Variants in TASP1 observed in about 807,000 individuals in gnomAD.
The protein encoded by TASP1 is taspase 1, also known as threonine aspartase 1.
Under a neutral mutation model 56.6 loss-of-function variants are expected in TASP1, and 16 were observed. The ratio of observed to expected loss-of-function variants is 0.28; its 90% CI spans 0.19 to 0.43. The LOEUF (loss-of-function observed/expected upper bound fraction) is 0.43. Ranked by LOEUF, TASP1 falls within the 20% of genes least tolerant of loss-of-function variation. The pLI is 1.00. For synonymous variants in TASP1, 179 were observed against 184.2 expected (o/e 0.97, Z 0.23); for missense variants, 393 against 511.6 (o/e 0.77, Z 2.24).
In TASP1 at chr20:13,557,584, T is replaced by G. The variant is rs551404642; in HGVS notation, c.675+1424A>C. Reference sequence around the variant, plus strand: ...TACGATGTTTTTGGTTTTTTTTTTTTTTTTTTTTTTTTTTGAGACAGGGTC... The same window carrying G: ...TACGATGTTTTTGGTTTTTTTTTTTGTTTTTTTTTTTTTTGAGACAGGGTC... On this transcript the variant is annotated intron_variant, in intron 8 of 13. Transcript: ENST00000337743. Among the ~76,000 whole-genome samples, 650 of 140,702 alleles carry G rather than the reference T, an allele frequency of 4.6e-3. 6 individuals are homozygous for G. Among genetic ancestry groups the G allele is most frequent in the African/African-American group, 0.016 (578 of 36,454 alleles). The allele number at this position is 140,702 out of a possible 152,430, so 92.3% of individuals were successfully genotyped here. A position where few individuals can be genotyped will look rare whatever the true frequency, so the allele number is the denominator to read the frequency against.
In TASP1 at chr20:13,490,688, C is replaced by T. The variant is rs527650984; in HGVS notation, c.875-7351G>A. Among the ~76,000 whole-genome samples, 3 of 152,146 alleles carry T rather than the reference C, an allele frequency of 2.0e-5. No individual in the cohort carries two copies. The South Asian group carries it at 6.2e-4, about 32-fold the overall frequency. On this transcript the variant is annotated intron_variant, in intron 10 of 13. Transcript: ENST00000337743. ...CTCCTCCTTCCCTCCCTCACCCCTC[C>T]CACCCTCTTACACACACACCCCTAC... is the stretch of plus-strand genomic sequence containing the variant.
chr20:13,362,102 C>T, the TASP1 span, among the ~76,000 whole-genome samples: 71 of 150,114 alleles, frequency 4.7e-4, no homozygotes, highest in Non-Finnish European at 7.5e-4. Context: ...GTTCCCACGC[C>T]GCCCCTAATC....
At chr20:13,393,868 C>A (rs2041393355) in intron 13 of TASP1, among the ~76,000 whole-genome samples, 1 of 150,854 alleles carries the variant, frequency 6.6e-6, no homozygotes, top group East Asian at 1.9e-4. Flanking sequence ...AAGTCCCCTG[C>A]GCTCAGCCAA....
intron 6 of TASP1, among the ~76,000 whole-genome samples, chr20:13,572,557 G>C (rs1026509888): frequency 2.0e-5 from 3 of 151,864 alleles, no homozygotes; most frequent in Non-Finnish European, 4.4e-5. Flanking sequence ...GTGATGGCAC[G>C]CACCTGTAAT....
rs151210375 is a variant in TASP1 at position 13,492,678 on chromosome 20, G to A, written c.875-9341C>T. ...TATAGCTCACCGACACATATTTAGC[G>A]TTTCCCAAATATTCAGAGTTCTCTG... On this transcript the variant is annotated intron_variant, in intron 10 of 13. Coordinates refer to ENST00000337743, the MANE Select transcript of TASP1 (RefSeq NM_017714.3). 2.4e-3 allele frequency among the ~76,000 whole-genome samples: 363 copies of A among 152,232 alleles called. 3 individuals carry two copies. The highest frequency in any genetic ancestry group is 7.9e-3 in the African/African-American group (327 of 41,572).
intron 7 of TASP1, among the ~76,000 whole-genome samples, chr20:13,568,252 A>C (rs1041080524): frequency 5.3e-5 from 8 of 152,258 alleles, no homozygotes; most frequent in Non-Finnish European, 1.2e-4. Context: ...AGCTCAAAGG[A>C]TTCTCCTGCC....
At chr20:13,164,435 A>G in the TASP1 span, 1 of 492,492 alleles carries the variant, frequency 2.0e-6, no homozygotes, top group Non-Finnish European at 4.1e-6. Context: ...ACTACATATA[A>G]GTCACTACAT....
At chr20:13,108,535 T>C in the TASP1 span, among the ~76,000 whole-genome samples, 1 of 152,204 alleles carries the variant, frequency 6.6e-6, no homozygotes, top group Admixed American at 6.5e-5. Flanking sequence ...GCTTTGTCTG[T>C]AGTGGTCAAA....
intron 4 of TASP1, among the ~76,000 whole-genome samples, chr20:13,607,624 A>C (rs1050334861): frequency 1.2e-4 from 18 of 152,228 alleles, no homozygotes. Flanking sequence ...CATTAACAGG[A>C]AATTACTAAT....
chr20:13,108,648 C>A, the TASP1 span, among the ~76,000 whole-genome samples: 3 of 150,174 alleles, frequency 2.0e-5, no homozygotes, highest in Non-Finnish European at 4.5e-5. Flanking sequence ...GATCTCGGCT[C>A]ACTGCAACAT....
rs138183713 is a variant in TASP1, at chr20:13,477,850, T to G, written c.985+5377A>C. ...GTGGTTTTCAAAGAAATGTGCAGAC[T>G]GGTTATTCTCTTTTATGCTTCCAAT... On this transcript the variant is annotated intron_variant, in intron 11 of 13. Transcript: ENST00000337743. 2.8e-3 allele frequency among the ~76,000 whole-genome samples: 425 copies of G among 152,284 alleles called. 1 individual carries two copies. Among genetic ancestry groups the G allele is most frequent in the Non-Finnish European group, 4.0e-3 (272 of 67,998 alleles).
At chr20:13,109,395 A>G in the TASP1 span, among the ~76,000 whole-genome samples, 1 of 152,150 alleles carries the variant, frequency 6.6e-6, no homozygotes, top group East Asian at 1.9e-4. Flanking sequence ...CTTATGATAG[A>G]CCTCAGGCAG....
the TASP1 span, among the ~76,000 whole-genome samples, chr20:13,214,562 C>CACAGAGAGAGAGAGAG: frequency 9.0e-6 from 1 of 111,302 alleles, no homozygotes; most frequent in East Asian, 2.4e-4. Flanking sequence ...CACACACACA[C>CACAGAGAGAGAGAGAG]AGAGAGAGAG....
At chr20:13,553,055 C>T (rs1385012334) in intron 8 of TASP1, among the ~76,000 whole-genome samples, 1 of 152,176 alleles carries the variant, frequency 6.6e-6, no homozygotes, top group Non-Finnish European at 1.5e-5. Flanking sequence ...CCCACCTCAG[C>T]ATCCTGAGTA....
chr20:13,114,933 GAT>G, the TASP1 span, among the ~76,000 whole-genome samples: 110 of 152,318 alleles, frequency 7.2e-4, no homozygotes, highest in African/African-American at 2.5e-3. Context: ...TAATAGAAAA[GAT>G]ATAAAGGAAT....
chr20:13,310,571 G>A, the TASP1 span, among the ~76,000 whole-genome samples: 1 of 152,206 alleles, frequency 6.6e-6, no homozygotes, highest in African/African-American at 2.4e-5. Flanking sequence ...TAGGCAAACG[G>A]GTTTGCATCA....
At chr20:13,253,530 C>G in the TASP1 span, among the ~76,000 whole-genome samples, 8 of 152,194 alleles carry the variant, frequency 5.3e-5, no homozygotes, top group Non-Finnish European at 8.8e-5. Flanking sequence ...GCCACTGTTC[C>G]TCACCTTCTC....
chr20:13,172,701 A>G, the TASP1 span, among the ~76,000 whole-genome samples: 1 of 152,186 alleles, frequency 6.6e-6, no homozygotes, highest in Non-Finnish European at 1.5e-5. Context: ...AAGTCTGTCT[A>G]ATAAAGGGAG....
the TASP1 span, among the ~76,000 whole-genome samples, chr20:13,186,326 G>A: frequency 3.9e-5 from 6 of 152,270 alleles, no homozygotes; most frequent in Non-Finnish European, 7.4e-5. Flanking sequence ...TGCCAGAGCC[G>A]TATTCTTTCT....
Sources: gnomAD v4.1 joint callset for allele counts (sites outside exome capture counted in the v4.1 genomes callset) on GRCh38, gnomAD v4.1.1 for gene constraint, MANE v1.5 for transcripts, NCBI Gene and HGNC (gene_info 2026-07-23, HGNC 2026-07-21) for gene names.